AOX1: variants seen among roughly 807,000 people sequenced by gnomAD.
AOX1 encodes aldehyde oxidase.
Under a neutral mutation model 169.5 loss-of-function variants are expected in AOX1, and 153 were observed. The observed-to-expected ratio is 0.90, with a 90% CI of 0.79 to 1.03. The LOEUF is 1.03. AOX1 is among the 50% of genes least tolerant of loss of function. AOX1 has a pLI of 0.00. For synonymous variants in AOX1, 562 were observed against 581.9 expected, an observed-to-expected ratio of 0.97 and a Z score of 0.49; for missense variants, 1,656 against 1,663.9, an observed-to-expected ratio of 1.00 and a Z score of 0.08.
At chr2:200,606,895 G>A (rs952985657) in intron 10 of AOX1, among the ~76,000 whole-genome samples, 1 of 152,092 alleles carries the variant, frequency 6.6e-6, no homozygotes, top group Admixed American at 6.5e-5. Flanking sequence ...GAGACGATGG[G>A]GTTTTCTAAG....
At chr2:200,641,025 A>T (rs1017315893) in intron 23 of AOX1, 73 bp from the exon 24 acceptor site, 1 of 987,546 alleles carries the variant, frequency 1.0e-6, no homozygotes. Flanking sequence ...CTATGTGTGG[A>T]GGGTTTGCAA....
Position 200,660,073 on chromosome 2 carries a change from A to G in AOX1, c.3375+4A>G. The G allele has an allele frequency of 6.2e-7, 1 of 1,611,288 alleles. No homozygotes were observed. On this transcript the variant is annotated splice_donor_region_variant and intron_variant, in intron 29 of 34. Transcript: ENST00000374700. Reference sequence around the variant, plus strand: ...TAAAGGAACTTGGAAAGACTGGGTGAGAATCAATGGTTCTCTGTATTTTAT... The same window carrying G: ...TAAAGGAACTTGGAAAGACTGGGTGGGAATCAATGGTTCTCTGTATTTTAT...
At chr2:200,635,595 G>C (rs2035213073) in intron 21 of AOX1, among the ~76,000 whole-genome samples, 1 of 152,142 alleles carries the variant, frequency 6.6e-6, no homozygotes, top group African/African-American at 2.4e-5. Flanking sequence ...TCACTTCCAG[G>C]CAATTCCACA....
intron 1 of AOX1, among the ~76,000 whole-genome samples, chr2:200,589,487 G>A (rs941918119): frequency 3.3e-5 from 5 of 152,202 alleles, no homozygotes; most frequent in Admixed American, 6.5e-5. Context: ...GCCACTTGGC[G>A]GGTCTGGGGC....
downstream of AOX1, among the ~76,000 whole-genome samples, chr2:200,673,106 G>C (rs183666912): frequency 6.6e-6 from 1 of 152,286 alleles, no homozygotes; most frequent in Admixed American, 6.5e-5. Flanking sequence ...CAAAAGTCGA[G>C]GGTAGATGCC....
intron 27 of AOX1, 34 bp downstream of exon 27, chr2:200,656,971 T>C: frequency 7.0e-7 from 1 of 1,419,852 alleles, no homozygotes; most frequent in Non-Finnish European, 9.6e-7. Context: ...GAGTTGGGTG[T>C]GTGCTTATAG....
chr2:200,637,189 C>A (rs2035252776), intron 22 of AOX1, 145 bp downstream of exon 22: 1 of 990,302 alleles, frequency 1.0e-6, no homozygotes, highest in African/African-American at 1.6e-5. Context: ...GCTTATTACA[C>A]TTACTTGTCT....
At chr2:200,671,666 G>A (rs998380293), downstream of AOX1, among the ~76,000 whole-genome samples, 2 of 152,176 alleles carry the variant, frequency 1.3e-5, no homozygotes, top group African/African-American at 4.8e-5. Context: ...GTAAGTATTG[G>A]CTAGGATAGG....
chr2:200,620,929 A>G, intron 17 of AOX1, 110 bp downstream of exon 17: 1 of 1,331,310 alleles, frequency 7.5e-7, no homozygotes, highest in Non-Finnish European at 1.0e-6. Flanking sequence ...GGTGATATCC[A>G]ATGCAGACCA....
At position 200,666,752 on chromosome 2, in the gene AOX1, G is replaced by T. The variant is rs1248957982; in HGVS notation, c.3609G>T (p.Gln1203His). Residue 1203 changes from glutamine (Q) to histidine (H), a missense_variant and splice_region_variant, in exon 32 of 35, where the codon CAG becomes CAT. By Grantham distance (24) the Gln-to-His change is conservative. Transcript: ENST00000374700. ...TAAATCCAGCCATTGACATAGGCCA[G>T]GTACGTGTAACTGATGTGTCTCACT... ...CSINPAIDIG[Q>H]IEGAFIQGMG... 2 of 1,609,888 alleles carry T rather than the reference G, an allele frequency of 1.2e-6. No homozygotes were observed. The highest frequency in any genetic ancestry group is 3.4e-5 in the Admixed American group (2 of 58,950).
At chr2:200,668,208 C>T (rs1009035923) in intron 32 of AOX1, among the ~76,000 whole-genome samples, 28 of 151,868 alleles carry the variant, frequency 1.8e-4, no homozygotes, top group Admixed American at 4.6e-4. Context: ...CAGGTTCAAG[C>T]GATTCTCCTG....
intron 10 of AOX1, among the ~76,000 whole-genome samples, 153 bp downstream of exon 10, chr2:200,605,781 T>C (rs1382084093): frequency 6.6e-6 from 1 of 152,224 alleles, no homozygotes; most frequent in Non-Finnish European, 1.5e-5. Context: ...GCCACATAAA[T>C]GTCTTCTTTT....
chr2:200,671,892 C>A (rs1264044609), downstream of AOX1, among the ~76,000 whole-genome samples: 1 of 152,034 alleles, frequency 6.6e-6, no homozygotes, highest in East Asian at 1.9e-4. Context: ...CATAGTATCC[C>A]AGAAGTGGAA....
chr2:200,667,229 A>C (rs570009071), intron 32 of AOX1, among the ~76,000 whole-genome samples: 1 of 152,210 alleles, frequency 6.6e-6, no homozygotes, highest in African/African-American at 2.4e-5. Flanking sequence ...AAGATTGGAA[A>C]GTCATAAATA....
At chr2:200,613,730 T>C in intron 14 of AOX1, 74 bp from the exon 15 acceptor site, 1 of 1,402,590 alleles carries the variant, frequency 7.1e-7, no homozygotes, top group African/African-American at 1.4e-5. Context: ...TATGGCTATT[T>C]GTCTTACCCA....
intron 26 of AOX1, among the ~76,000 whole-genome samples, chr2:200,652,889 G>A (rs545625349): frequency 6.6e-6 from 1 of 152,246 alleles, no homozygotes; most frequent in South Asian, 2.1e-4. Flanking sequence ...ACATAGTGAG[G>A]CCCCATCTCT....
At chr2:200,642,399 A>G (rs998249039) in intron 24 of AOX1, among the ~76,000 whole-genome samples, 4 of 152,222 alleles carry the variant, frequency 2.6e-5, no homozygotes, top group Non-Finnish European at 5.9e-5. Flanking sequence ...ATACAAAAAT[A>G]AAAAATAATG....
At position 200,642,806 on chromosome 2, in the gene AOX1, T is replaced by C; in HGVS notation, c.2847+5T>C. The C allele has an allele frequency of 6.2e-7, 1 of 1,607,906 alleles. No individual in the cohort carries two copies. The highest frequency in any genetic ancestry group is 8.5e-7 in the Non-Finnish European group (1 of 1,176,232). On this transcript the variant is annotated splice_donor_5th_base_variant and intron_variant, in intron 25 of 34. Transcript: ENST00000374700. Reference sequence around the variant, plus strand: ...TGTGGACTATCCCCTGAGAAGGTAATACTAAATCAGCTTCACAGACAAAAC... The same window carrying C: ...TGTGGACTATCCCCTGAGAAGGTAACACTAAATCAGCTTCACAGACAAAAC...
At chr2:200,668,116 T>C (rs997378449) in intron 32 of AOX1, among the ~76,000 whole-genome samples, 1 of 151,576 alleles carries the variant, frequency 6.6e-6, no homozygotes, top group Non-Finnish European at 1.5e-5. Flanking sequence ...TATTATTTTT[T>C]TTTTTTGAGA....
Sources: gnomAD v4.1 joint callset for allele counts (sites outside exome capture counted in the v4.1 genomes callset) on GRCh38, gnomAD v4.1.1 for gene constraint, MANE v1.5 for transcripts, NCBI Gene and HGNC (gene_info 2026-07-23, HGNC 2026-07-21) for gene names.